Variants in RBFOX1 observed in about 807,000 individuals in gnomAD.
The protein encoded by RBFOX1 is RNA binding fox-1 homolog 1.
In RBFOX1, 8 loss-of-function variants were observed where a neutral mutation model predicts 57.7. The ratio of observed to expected loss-of-function variants is 0.14; its 90% CI spans 0.08 to 0.25. The LOEUF (loss-of-function observed/expected upper bound fraction) is 0.25. Ranked by LOEUF, RBFOX1 falls within the 10% of genes least tolerant of loss-of-function variation. RBFOX1 has a pLI of 1.00. For synonymous variants in RBFOX1, 326 were observed against 222.4 expected (o/e 1.47, Z -4.15); for missense variants, 611 against 548.5 (o/e 1.11, Z -1.14).
At chr16:6,639,605 G>A (rs890605198) in intron 2 of RBFOX1, among the ~76,000 whole-genome samples, 10 of 152,098 alleles carry the variant, frequency 6.6e-5, no homozygotes, top group Admixed American at 5.2e-4. Flanking sequence ...GGCCGGGCAC[G>A]GTGGCTCACG....
chr16:6,631,834 A>C lies in RBFOX1; in HGVS notation c.-63-22769A>C, dbSNP rs115319896. Among the ~76,000 whole-genome samples, 1,434 of 152,016 alleles carry C rather than the reference A, an allele frequency of 9.4e-3. 29 individuals carry two copies. The highest frequency in any genetic ancestry group is 0.032 in the African/African-American group (1,342 of 41,412). ...GGCGGGGGTAGAGCGGGTGCATGCA[A>C]ACACCCCAAGGTGGCCACAAACTTA... On this transcript the variant is annotated intron_variant, in intron 2 of 15. Coordinates refer to ENST00000550418, the MANE Select transcript of RBFOX1 (RefSeq NM_018723.4).
At chr16:7,460,505 C>CAT (rs1358569062) in intron 4 of RBFOX1, among the ~76,000 whole-genome samples, 1 of 141,436 alleles carries the variant, frequency 7.1e-6, no homozygotes, top group South Asian at 2.2e-4. Context: ...ATAATATATA[C>CAT]ATATATATAT....
intron 2 of RBFOX1, among the ~76,000 whole-genome samples, chr16:6,617,653 C>G (rs1360660348): frequency 1.3e-5 from 2 of 152,098 alleles, no homozygotes; most frequent in African/African-American, 4.8e-5. Context: ...GAGCCCATCA[C>G]AGGCAGGGTT....
chr16:6,726,944 C>A (rs758705379), intron 3 of RBFOX1, among the ~76,000 whole-genome samples: 3 of 151,862 alleles, frequency 2.0e-5, no homozygotes, highest in Non-Finnish European at 2.9e-5. Flanking sequence ...TTAACACTTT[C>A]TAATGGCACA....
chr16:7,088,234 A>C (rs894940333), intron 4 of RBFOX1, among the ~76,000 whole-genome samples: 3 of 152,340 alleles, frequency 2.0e-5, no homozygotes, highest in Admixed American at 6.5e-5. Flanking sequence ...GTTAGACATG[A>C]AGCAAATCCT....
At chr16:7,685,079 A>T (rs981420792) in intron 14 of RBFOX1, among the ~76,000 whole-genome samples, 4 of 152,074 alleles carry the variant, frequency 2.6e-5, no homozygotes, top group Non-Finnish European at 5.9e-5. Context: ...GTGAGAATGT[A>T]GAATCCCAAA....
At chr16:5,431,580 G>A (rs1370957274) in intron 1 of RBFOX1, among the ~76,000 whole-genome samples, 1 of 152,032 alleles carries the variant, frequency 6.6e-6, no homozygotes, top group Non-Finnish European at 1.5e-5. Flanking sequence ...TCACCATGTT[G>A]GCCAGGCTGG....
At chr16:7,380,763 A>G (rs1198552844) in intron 4 of RBFOX1, among the ~76,000 whole-genome samples, 2 of 152,224 alleles carry the variant, frequency 1.3e-5, no homozygotes, top group East Asian at 3.9e-4. Flanking sequence ...TCCATTCTCT[A>G]GGGGAAAATA....
At chr16:5,884,733 G>T (rs2151923905) in intron 4 of RBFOX1, among the ~76,000 whole-genome samples, 1 of 152,224 alleles carries the variant, frequency 6.6e-6, no homozygotes, top group Non-Finnish European at 1.5e-5. Context: ...AATTGGAGTT[G>T]TAACAGGTGG....
At chr16:6,167,715 A>G (rs12102904) in intron 1 of RBFOX1, among the ~76,000 whole-genome samples, 28,193 of 152,024 alleles carry the variant, frequency 0.19, 2,766 homozygotes, top group Middle Eastern at 0.24. Flanking sequence ...CTTGTCAGCA[A>G]TCTGCTTGAA....
intron 1 of RBFOX1, among the ~76,000 whole-genome samples, chr16:6,040,618 G>A (rs2095426285): frequency 6.8e-6 from 1 of 146,848 alleles, no homozygotes; most frequent in Admixed American, 6.8e-5. Flanking sequence ...TTTATTTTGA[G>A]ACAGTCTTAC....
intron 4 of RBFOX1, among the ~76,000 whole-genome samples, chr16:7,293,639 A>G (rs1003547721): frequency 2.6e-5 from 4 of 152,148 alleles, no homozygotes; most frequent in Non-Finnish European, 4.4e-5. Flanking sequence ...GTGAATTGCA[A>G]TTTGGGGACT....
At chr16:5,972,486 T>C (rs565419389) in intron 4 of RBFOX1, among the ~76,000 whole-genome samples, 1 of 152,254 alleles carries the variant, frequency 6.6e-6, no homozygotes, top group East Asian at 1.9e-4. Context: ...CAGCGTCCTC[T>C]CTTAAAATGA....
intron 5 of RBFOX1, among the ~76,000 whole-genome samples, chr16:7,521,643 G>T (rs1485179728): frequency 6.6e-6 from 1 of 152,172 alleles, no homozygotes; most frequent in Non-Finnish European, 1.5e-5. Flanking sequence ...TATAGGATTT[G>T]TTTTCTGTTA....
intron 1 of RBFOX1, among the ~76,000 whole-genome samples, chr16:6,155,262 G>C (rs1484850360): frequency 6.6e-6 from 1 of 152,200 alleles, no homozygotes. Flanking sequence ...AGGAGACTGA[G>C]ACATGGAATG....
At chr16:6,778,597 A>T (rs888045782) in intron 3 of RBFOX1, among the ~76,000 whole-genome samples, 1 of 152,092 alleles carries the variant, frequency 6.6e-6, no homozygotes, top group Admixed American at 6.6e-5. Flanking sequence ...TGAAATCCAA[A>T]CGAGGACTAT....
intron 3 of RBFOX1, among the ~76,000 whole-genome samples, chr16:5,757,080 T>A (rs529782887): frequency 1.3e-5 from 2 of 152,228 alleles, no homozygotes; most frequent in Non-Finnish European, 2.9e-5. Context: ...TTCAGATTCA[T>A]TGAGACCTAA....
chr16:5,605,566 T>C (rs1175383928), intron 3 of RBFOX1, among the ~76,000 whole-genome samples: 1 of 151,904 alleles, frequency 6.6e-6, no homozygotes, highest in Non-Finnish European at 1.5e-5. Context: ...ATGTCTGCCA[T>C]GGGTCTGGGA....
chr16:7,063,706 A>G (rs539730324), intron 4 of RBFOX1, among the ~76,000 whole-genome samples: 25 of 151,268 alleles, frequency 1.7e-4, no homozygotes, highest in Middle Eastern at 3.4e-3. Flanking sequence ...ATTTAGGGGG[A>G]AAAAAAACCC....
Sources: allele counts gnomAD v4.1 joint callset (sites outside exome capture counted in the v4.1 genomes callset), GRCh38; gene constraint gnomAD v4.1.1; transcripts MANE v1.5; gene names NCBI Gene and HGNC (gene_info 2026-07-23, HGNC 2026-07-21).